The following CNGA3 variants were observed in gnomAD, a reference collection of about 807,000 sequenced individuals.
CNGA3 encodes cyclic nucleotide gated channel subunit alpha 3.
CNGA3 carries 42 observed loss-of-function variants against 46.6 expected under a neutral mutation model. The ratio of observed to expected loss-of-function variants is 0.90; its 90% CI spans 0.70 to 1.17. The LOEUF (loss-of-function observed/expected upper bound fraction) is 1.17. Ranked by LOEUF, CNGA3 falls within the 50% of genes most tolerant of loss-of-function variation. The pLI, the probability that CNGA3 is intolerant of heterozygous loss-of-function variation, is 0.00. For missense variants in CNGA3, 893 were observed against 890.7 expected (o/e 1.00, Z -0.03); for synonymous variants, 394 against 369.4 (o/e 1.07, Z -0.76).
chr2:98,360,103 G>A (rs1691993648), intron 1 of CNGA3, among the ~76,000 whole-genome samples: 1 of 152,228 alleles, frequency 6.6e-6, no homozygotes, highest in South Asian at 2.1e-4. Flanking sequence ...CTCAGGTTTT[G>A]GAGTCAGACA....
At position 98,397,239 on chromosome 2, in the gene CNGA3, A is replaced by G. The variant is rs1228632947; in HGVS notation, c.2069A>G (p.Glu690Gly). ...GTTCCCGGGGATGCTACAAAAACAG[A>G]GGACAAACAACAGTGAAAATGCAGC... ...GEVPGDATKT[E>G]DKQQ Residue 690 changes from glutamate (E) to glycine (G), a missense_variant, in exon 8 of 8, where the codon GAG becomes GGG. Glu to Gly is a moderately conservative substitution (Grantham distance 98). This residue lies in a region of CNGA3 where 548 missense variants were observed against 570.8 expected (regional missense o/e 0.96). Coordinates refer to ENST00000272602, the MANE Select transcript of CNGA3 (RefSeq NM_001298.3). 9 of 1,613,792 alleles carry G rather than the reference A, an allele frequency of 5.6e-6. No homozygotes were observed.
chr2:98,356,489 T>C (rs1691882332), intron 1 of CNGA3, among the ~76,000 whole-genome samples: 1 of 152,168 alleles, frequency 6.6e-6, no homozygotes, highest in Admixed American at 6.5e-5. Context: ...CCATGGCTTG[T>C]GTCCAGACTC....
chr2:98,387,735 A>T (rs963849852), intron 5 of CNGA3, among the ~76,000 whole-genome samples: 1 of 151,916 alleles, frequency 6.6e-6, no homozygotes, highest in Non-Finnish European at 1.5e-5. Context: ...TGCGTCACAG[A>T]CCCGCCTCTT....
intron 1 of CNGA3, among the ~76,000 whole-genome samples, chr2:98,363,454 T>G (rs985734189): frequency 5.9e-5 from 9 of 152,244 alleles, no homozygotes; most frequent in South Asian, 2.1e-4. Flanking sequence ...TTTGCTTGTC[T>G]GTTGATGTAT....
intron 1 of CNGA3, among the ~76,000 whole-genome samples, chr2:98,367,300 T>C (rs796066702): frequency 5.3e-5 from 8 of 151,356 alleles, no homozygotes; most frequent in African/African-American, 1.9e-4. Flanking sequence ...GTTCACACCA[T>C]TCTCCTGCCT....
chr2:98,362,866 A>T (rs949445283), intron 1 of CNGA3, among the ~76,000 whole-genome samples: 1 of 152,220 alleles, frequency 6.6e-6, no homozygotes, highest in Non-Finnish European at 1.5e-5. Context: ...AATTTTCTGC[A>T]TATGGCTAGC....
chr2:98,383,558 A>C, intron 5 of CNGA3, 117 bp downstream of exon 5: 1 of 921,552 alleles, frequency 1.1e-6, no homozygotes, highest in Non-Finnish European at 1.8e-6. Flanking sequence ...GAGCACCAGT[A>C]GAATATTTTA....
intron 4 of CNGA3, 92 bp from the exon 5 acceptor site, chr2:98,383,296 T>A (rs1053095757): frequency 4.2e-6 from 5 of 1,197,602 alleles, no homozygotes; most frequent in South Asian, 1.2e-5. Context: ...GGATAGGGAT[T>A]GGGGGGTGGG....
rs1692944295 is a variant in CNGA3, at chr2:98,397,245, A to T, written c.2075A>T (p.Lys692Ile). ...VPGDATKTED[K>I]QQ is the part of the protein sequence containing the mutation. Reference sequence around the variant, plus strand: ...GGGGATGCTACAAAAACAGAGGACAAACAACAGTGAAAATGCAGCATCTGT... The same window carrying T: ...GGGGATGCTACAAAAACAGAGGACATACAACAGTGAAAATGCAGCATCTGT... The change falls in exon 8 of 8, where the codon AAA becomes ATA. Residue 692 changes from lysine (K) to isoleucine (I), a missense_variant. Physicochemically the swap from Lys to Ile is moderately radical, Grantham distance 102 (BLOSUM62 -3). Transcript: ENST00000272602. 5 of 1,613,626 alleles carry T rather than the reference A, an allele frequency of 3.1e-6. No homozygotes were observed. The East Asian group carries it at 1.1e-4, about 36-fold the overall frequency.
chr2:98,382,087 GC>G (rs1692551991), intron 4 of CNGA3, among the ~76,000 whole-genome samples: 1 of 152,178 alleles, frequency 6.6e-6, no homozygotes, highest in South Asian at 2.1e-4. Context: ...TCCAGGGCAG[GC>G]CCCGACCACC....
chr2:98,389,615 T>C (rs1162514698), intron 5 of CNGA3, 43 bp from the exon 6 acceptor site: 2 of 1,548,924 alleles, frequency 1.3e-6, no homozygotes, highest in Non-Finnish European at 1.8e-6. Context: ...AAAGCTACAG[T>C]CTTGGAGCAC....
intron 3 of CNGA3, among the ~76,000 whole-genome samples, chr2:98,379,101 G>A (rs1027248986): frequency 6.6e-6 from 1 of 152,214 alleles, no homozygotes; most frequent in Admixed American, 6.5e-5. Flanking sequence ...CCACCCTCTT[G>A]GCAGAGGAAG....
At chr2:98,381,278 A>G (rs772743965) in intron 4 of CNGA3, among the ~76,000 whole-genome samples, 16 of 152,180 alleles carry the variant, frequency 1.1e-4, no homozygotes, top group Non-Finnish European at 2.2e-4. Context: ...CTTCTCACCC[A>G]GAACCTATTT....
At chr2:98,377,248 C>A in intron 2 of CNGA3, 1 of 182,376 alleles carries the variant, frequency 5.5e-6, no homozygotes, top group Non-Finnish European at 1.2e-5. Context: ...AAGGGAGGCT[C>A]AGAAAGACCC....
intron 1 of CNGA3, among the ~76,000 whole-genome samples, chr2:98,361,013 T>G (rs562904775): frequency 0.038 from 4,315 of 114,146 alleles, 185 homozygotes; most frequent in African/African-American, 0.12. Context: ...TTTATTTTAT[T>G]TTATTTTATT....
intron 5 of CNGA3, among the ~76,000 whole-genome samples, chr2:98,386,235 T>C (rs1692651041): frequency 6.6e-6 from 1 of 152,210 alleles, no homozygotes; most frequent in Non-Finnish European, 1.5e-5. Flanking sequence ...TTACCTCATA[T>C]GGCAAAGGGA....
intron 2 of CNGA3, chr2:98,377,239 A>G: frequency 5.5e-6 from 1 of 180,986 alleles, no homozygotes; most frequent in Non-Finnish European, 1.2e-5. Context: ...CGCAGTGGGA[A>G]GGGAGGCTCA....
intron 5 of CNGA3, 35 bp downstream of exon 5, chr2:98,383,476 A>G: frequency 6.2e-7 from 1 of 1,611,656 alleles, no homozygotes; most frequent in Non-Finnish European, 8.5e-7. Flanking sequence ...GCCCTCCCCA[A>G]GCCCGGTGCC....
intron 6 of CNGA3, 112 bp from the exon 7 acceptor site, chr2:98,391,752 T>C: frequency 1.0e-6 from 1 of 968,594 alleles, no homozygotes; most frequent in Non-Finnish European, 1.7e-6. Flanking sequence ...GGCAGGGCCA[T>C]TCCCATATTA....
Sources: gnomAD v4.1 joint callset for allele counts (sites outside exome capture counted in the v4.1 genomes callset) on GRCh38, gnomAD v4.1.1 for gene constraint, gnomAD v4.1.1 regional missense constraint, MANE v1.5 for transcripts, NCBI Gene and HGNC (gene_info 2026-07-23, HGNC 2026-07-21) for gene names.